Variants in KCNMA1 observed in about 807,000 individuals in gnomAD.
KCNMA1 encodes the protein Calcium-activated potassium channel subunit alpha-1.
In KCNMA1, 29 loss-of-function variants were observed where a neutral mutation model predicts 140.0. The ratio of observed to expected loss-of-function variants is 0.21; its 90% CI spans 0.15 to 0.28. KCNMA1 has a LOEUF of 0.28. Among genes scored for constraint, KCNMA1 ranks in the 10% least tolerant of loss-of-function variants. The pLI is 1.00. For synonymous variants in KCNMA1, 612 were observed against 611.9 expected (o/e 1.00, Z 0.00); for missense variants, 880 against 1,602.2 (o/e 0.55, Z 7.70).
intron 3 of KCNMA1, among the ~76,000 whole-genome samples, chr10:77,208,148 C>T (rs756452759): frequency 2.0e-4 from 30 of 152,194 alleles, no homozygotes; most frequent in Non-Finnish European, 4.0e-4. Context: ...TCAGCTTAAC[C>T]TTATTTGTTC....
chr10:77,097,064 T>C (rs2096951614), intron 9 of KCNMA1, among the ~76,000 whole-genome samples: 1 of 152,176 alleles, frequency 6.6e-6, no homozygotes. Flanking sequence ...TAGGTTGACC[T>C]TGAACCCTTG....
chr10:76,914,509 G>T lies in KCNMA1; in HGVS notation c.3016+427C>A, dbSNP rs549236223. 1.3e-4 allele frequency: 45 copies of T among 339,538 alleles called. No individual in the cohort carries two copies. The South Asian group carries it at 1.5e-3, about 11-fold the overall frequency. 21.0% of individuals were successfully genotyped at this position (339,538 alleles called of 1,614,324 possible). On this transcript the variant is annotated intron_variant, in intron 24 of 27. Transcript: ENST00000286628. ...GGCTTCTACCTTGTTCCCAAAATGG[G>T]TTTGGCTTAGATCCGAGGCTTTGTA...
chr10:76,935,868 C>T (rs2060424608), intron 23 of KCNMA1, among the ~76,000 whole-genome samples: 1 of 152,186 alleles, frequency 6.6e-6, no homozygotes, highest in African/African-American at 2.4e-5. Flanking sequence ...TCTGTTTTTA[C>T]TTTTTCTTCT....
At chr10:77,241,587 GT>G (rs1317148196) in intron 3 of KCNMA1, among the ~76,000 whole-genome samples, 13 of 151,996 alleles carry the variant, frequency 8.6e-5, no homozygotes, top group African/African-American at 2.4e-4. Context: ...GGCAGAGGTT[GT>G]TGTGAGCCAT....
chr10:76,960,178 A>G (rs1248838097), intron 20 of KCNMA1, among the ~76,000 whole-genome samples: 1 of 152,100 alleles, frequency 6.6e-6, no homozygotes, highest in African/African-American at 2.4e-5. Context: ...TCACCCCATA[A>G]CCCTTGCATC....
chr10:77,522,749 A>G (rs1433501598), intron 1 of KCNMA1, among the ~76,000 whole-genome samples: 4 of 152,208 alleles, frequency 2.6e-5, no homozygotes, highest in African/African-American at 9.7e-5. Flanking sequence ...CAATTCCTCA[A>G]GAAAGGGGTC....
At position 77,573,614 on chromosome 10, in the gene KCNMA1, AATG is replaced by A. The variant is rs59714595; in HGVS notation, c.378+63648_378+63650del. ...AAGCAATTATTTTTTAAGAAAATGG[AATG>A]GAATGGAATGGAATGGAATGGAATG... On this transcript the variant is annotated intron_variant, in intron 1 of 27. Coordinates refer to ENST00000286628, the MANE Select transcript of KCNMA1 (RefSeq NM_001161352.2). 6.5e-3 allele frequency among the ~76,000 whole-genome samples: 646 copies of A among 98,794 alleles called. 94 individuals carry two copies. The highest frequency in any genetic ancestry group is 0.016 in the South Asian group (40 of 2,436). The allele number at this position is 98,794 out of a possible 152,430, so 64.8% of individuals were successfully genotyped here.
At chr10:77,579,479 T>C (rs1022856536) in intron 1 of KCNMA1, among the ~76,000 whole-genome samples, 1 of 152,246 alleles carries the variant, frequency 6.6e-6, no homozygotes. Flanking sequence ...TAAAACTTTA[T>C]TTATAGATAT....
chr10:77,360,293 T>C (rs982445721), intron 2 of KCNMA1, among the ~76,000 whole-genome samples: 2 of 152,182 alleles, frequency 1.3e-5, no homozygotes, highest in Non-Finnish European at 2.9e-5. Flanking sequence ...GAGCTGATGA[T>C]TAGCAGGCCT....
At chr10:77,600,394 C>A (rs776544520) in intron 1 of KCNMA1, among the ~76,000 whole-genome samples, 1 of 152,170 alleles carries the variant, frequency 6.6e-6, no homozygotes, top group Non-Finnish European at 1.5e-5. Context: ...ACATACACCT[C>A]GTCACTTAGT....
intron 9 of KCNMA1, among the ~76,000 whole-genome samples, chr10:77,104,842 GC>G (rs1026998348): frequency 1.3e-5 from 2 of 152,224 alleles, no homozygotes; most frequent in African/African-American, 4.8e-5. Flanking sequence ...GGAGGAGAGA[GC>G]TGGGGATCCC....
chr10:76,889,901 C>G (rs892021612), intron 26 of KCNMA1: 9 of 387,772 alleles, frequency 2.3e-5, no homozygotes, highest in Non-Finnish European at 4.4e-5. Context: ...CAGATGTATG[C>G]TCAGCTGAGG....
Position 77,498,762 on chromosome 10 carries a change from C to T in KCNMA1, c.379-94739G>A, listed in dbSNP as rs75193096. ...GGATGCAAAACACGAAAACCTCCCACCAGACCTTGAAAACATTCTTAACTA... is the reference window on the plus strand; with the variant it reads ...GGATGCAAAACACGAAAACCTCCCATCAGACCTTGAAAACATTCTTAACTA... On this transcript the variant is annotated intron_variant, in intron 1 of 27. Transcript: ENST00000286628. 5.3e-5 allele frequency: 8 copies of T among 152,246 alleles called. No homozygotes were observed. In the East Asian group the frequency reaches 1.5e-3, roughly 29 times the overall value. 9.4% of individuals were successfully genotyped at this position (152,246 alleles called of 1,614,324 possible).
intron 1 of KCNMA1, among the ~76,000 whole-genome samples, chr10:77,467,029 T>C (rs287179): frequency 0.79 from 120,191 of 152,112 alleles, 47,698 homozygotes; most frequent in East Asian, 0.9. Flanking sequence ...AGGAAAAATC[T>C]AGCTAGAGGA....
intron 15 of KCNMA1, among the ~76,000 whole-genome samples, chr10:77,028,559 G>A (rs891253711): frequency 1.3e-5 from 2 of 151,964 alleles, no homozygotes; most frequent in African/African-American, 4.8e-5. Context: ...CACAGGCCAC[G>A]TCAACTCTAA....
chr10:76,963,940 A>C (rs1318984447), intron 20 of KCNMA1, among the ~76,000 whole-genome samples: 1 of 152,020 alleles, frequency 6.6e-6, no homozygotes, highest in African/African-American at 2.4e-5. Context: ...TCTCCTCAAA[A>C]GGAATCATAG....
At chr10:77,574,217 A>G (rs2073105690) in intron 1 of KCNMA1, among the ~76,000 whole-genome samples, 1 of 151,838 alleles carries the variant, frequency 6.6e-6, no homozygotes, top group Non-Finnish European at 1.5e-5. Flanking sequence ...TGTTTCAGGA[A>G]CTTTTCTTTC....
intron 2 of KCNMA1, among the ~76,000 whole-genome samples, chr10:77,322,552 C>A (rs142525023): frequency 2.0e-5 from 3 of 152,152 alleles, no homozygotes; most frequent in Admixed American, 6.5e-5. Flanking sequence ...CTAGTTCTTA[C>A]GCTCTGCGAA....
intron 6 of KCNMA1, among the ~76,000 whole-genome samples, 186 bp downstream of exon 6, chr10:77,120,787 C>T (rs2097577107): frequency 6.6e-6 from 1 of 152,112 alleles, no homozygotes; most frequent in Admixed American, 6.6e-5. Flanking sequence ...CACATAGTTC[C>T]CTGGCCCTGC....
Sources: allele counts gnomAD v4.1 joint callset (sites outside exome capture counted in the v4.1 genomes callset), GRCh38; gene constraint gnomAD v4.1.1; transcripts MANE v1.5; gene names NCBI Gene and HGNC (gene_info 2026-07-23, HGNC 2026-07-21).